The following AFF2 variants were observed in gnomAD, a reference collection of about 807,000 sequenced individuals.
AFF2 encodes the protein ALF transcription elongation factor 2.
In AFF2, 14 loss-of-function variants were observed where a neutral mutation model predicts 76.9. The ratio of observed to expected loss-of-function variants is 0.18; its 90% CI spans 0.12 to 0.28. The LOEUF (loss-of-function observed/expected upper bound fraction) is 0.28, where lower values mean the gene tolerates loss of function less well. Ranked by LOEUF, AFF2 falls within the 10% of genes least tolerant of loss-of-function variation. The pLI is 1.00. For synonymous variants in AFF2, 398 were observed against 366.7 expected (o/e 1.09, Z -0.98); for missense variants, 868 against 1,001.1 (o/e 0.87, Z 1.79).
intron 1 of AFF2, among the ~76,000 whole-genome samples, chrX:148,537,246 A>G (rs1557236685): frequency 8.9e-6 from 1 of 112,429 alleles, no homozygotes; most frequent in Non-Finnish European, 1.9e-5. Context: ...CAGACTGGTT[A>G]GATGTTGAGA....
At chrX:148,702,647 G>A (rs576655366) in intron 3 of AFF2, among the ~76,000 whole-genome samples, 3 of 111,459 alleles carry the variant, frequency 2.7e-5, no homozygotes, top group South Asian at 7.5e-4. Flanking sequence ...TCTGAACAGG[G>A]GATTCCTGTG....
chrX:148,743,393 G>A (rs1393199059), intron 3 of AFF2, among the ~76,000 whole-genome samples: 2 of 112,139 alleles, frequency 1.8e-5, no homozygotes, highest in Non-Finnish European at 3.8e-5. Context: ...TGCAATGCCT[G>A]CAAGTGTTTA....
At position 148,556,498 on chromosome X, in the gene AFF2, A is replaced by C. The variant is rs60668481; in HGVS notation, c.47+55354A>C. ...TTTGAGTTCCACATAATGTGAGACC[A>C]AAATTGAATGGCCTTTTCTACTTTT... On this transcript the variant is annotated intron_variant, in intron 1 of 20. Transcript: ENST00000370460. 5.7e-3 allele frequency among the ~76,000 whole-genome samples: 639 copies of C among 112,277 alleles called. 7 individuals are homozygous for C. Among genetic ancestry groups the C allele is most frequent in the African/African-American group, 0.019 (597 of 30,942 alleles).
At chrX:148,610,922 T>A (rs180894127) in intron 1 of AFF2, among the ~76,000 whole-genome samples, 22 of 112,081 alleles carry the variant, frequency 2.0e-4, no homozygotes, top group Non-Finnish European at 5.6e-5. Context: ...GCTTGTTAAA[T>A]GGGAAATAAA....
At chrX:148,648,869 T>C (rs2054173649) in intron 1 of AFF2, among the ~76,000 whole-genome samples, 1 of 111,757 alleles carries the variant, frequency 8.9e-6, no homozygotes, top group Non-Finnish European at 1.9e-5. Context: ...TGGAAAAATA[T>C]CCTAACTTGC....
chrX:148,825,399 G>A (rs1451956284), intron 4 of AFF2, among the ~76,000 whole-genome samples: 1 of 111,750 alleles, frequency 8.9e-6, no homozygotes, highest in Non-Finnish European at 1.9e-5. Flanking sequence ...ATACATACAA[G>A]CTCCTATTGG....
intron 9 of AFF2, among the ~76,000 whole-genome samples, chrX:148,942,460 G>T (rs2071848038): frequency 9.0e-6 from 1 of 111,479 alleles, no homozygotes; most frequent in Non-Finnish European, 1.9e-5. Flanking sequence ...CACAGAGGGT[G>T]AGTATAAAAG....
At chrX:148,513,557 G>T (rs782123278) in intron 1 of AFF2, among the ~76,000 whole-genome samples, 1 of 111,646 alleles carries the variant, frequency 9.0e-6, no homozygotes, top group South Asian at 3.8e-4. Flanking sequence ...ATTCGTGGCT[G>T]GCTGGAAATA....
At chrX:148,682,983 T>C (rs2054565642) in intron 3 of AFF2, among the ~76,000 whole-genome samples, 1 of 111,420 alleles carries the variant, frequency 9.0e-6, no homozygotes, top group South Asian at 3.8e-4. Context: ...AGTTCTAGAG[T>C]ATCAGGAAAT....
At chrX:148,946,141 C>T (rs1405663380) in intron 9 of AFF2, among the ~76,000 whole-genome samples, 2 of 111,929 alleles carry the variant, frequency 1.8e-5, no homozygotes, top group Admixed American at 9.4e-5. Flanking sequence ...AGCTGGTGAT[C>T]GAAAAATGTA....
At chrX:148,718,688 G>T (rs2055055019) in intron 3 of AFF2, among the ~76,000 whole-genome samples, 1 of 111,418 alleles carries the variant, frequency 9.0e-6, no homozygotes, top group Non-Finnish European at 1.9e-5. Context: ...ATGTGTGTTT[G>T]CATATTTATA....
Position 148,994,243 on chromosome X carries a change from A to G in AFF2, c.*2911A>G, listed in dbSNP as rs1418954596. On this transcript the variant is annotated 3_prime_UTR_variant, in exon 21 of 21. Transcript: ENST00000370460. ...TTCACTTGTCACCCAAGCTCCAACC[A>G]CAGAGAGTTTGACAAGTTTGTGTTA... The G allele has an allele frequency of 8.9e-6, 1 of 112,360 alleles. No homozygotes were observed. The highest frequency in any genetic ancestry group is 1.9e-5 in the Non-Finnish European group (1 of 53,231). 9.3% of individuals were successfully genotyped at this position (112,360 alleles called of 1,213,427 possible). A position where few individuals can be genotyped will look rare whatever the true frequency, so the allele number is the denominator to read the frequency against.
At chrX:148,860,814 C>T (rs1338953305) in intron 7 of AFF2, among the ~76,000 whole-genome samples, 7 of 111,049 alleles carry the variant, frequency 6.3e-5, no homozygotes, top group Admixed American at 4.8e-4. Flanking sequence ...AATAGCAGCC[C>T]CTAAAATATA....
At chrX:148,837,237 T>C (rs2070537437) in intron 4 of AFF2, among the ~76,000 whole-genome samples, 1 of 112,033 alleles carries the variant, frequency 8.9e-6, no homozygotes, top group African/African-American at 3.2e-5. Context: ...ATGAACAAGC[T>C]GAGAATGTCT....
At chrX:148,645,080 T>TGG (rs2054131633) in intron 1 of AFF2, among the ~76,000 whole-genome samples, 2 of 111,983 alleles carry the variant, frequency 1.8e-5, no homozygotes, top group African/African-American at 3.2e-5. Flanking sequence ...TCTGAGTCTA[T>TGG]AGAAGAAAAT....
At chrX:148,970,141 T>A (rs781954242) in intron 15 of AFF2, among the ~76,000 whole-genome samples, 2 of 112,226 alleles carry the variant, frequency 1.8e-5, no homozygotes, top group Non-Finnish European at 3.8e-5. Context: ...AAAGAGAAAG[T>A]ACCTAGTTTG....
intron 19 of AFF2, among the ~76,000 whole-genome samples, chrX:148,983,842 T>C (rs1188121805): frequency 6.6e-5 from 7 of 106,440 alleles, no homozygotes; most frequent in African/African-American, 2.4e-4. Flanking sequence ...ATGTAGTAGA[T>C]ACTAAACAAA....
At chrX:148,761,471 T>TG (rs1489884119) in intron 3 of AFF2, among the ~76,000 whole-genome samples, 1 of 108,648 alleles carries the variant, frequency 9.2e-6, no homozygotes, top group Admixed American at 9.9e-5. Context: ...TTTTTTGTTT[T>TG]TTTTTTTTTT....
chrX:148,949,792 T>A (rs1476191955), intron 9 of AFF2, among the ~76,000 whole-genome samples: 3 of 112,654 alleles, frequency 2.7e-5, no homozygotes, highest in African/African-American at 6.5e-5. Context: ...ATGTTTGTTG[T>A]AATCACTAGC....
Sources: gnomAD v4.1 joint callset for allele counts (sites outside exome capture counted in the v4.1 genomes callset) on GRCh38, gnomAD v4.1.1 for gene constraint, MANE v1.5 for transcripts, NCBI Gene and HGNC (gene_info 2026-07-23, HGNC 2026-07-21) for gene names.